SYNGR1: variants seen among roughly 807,000 people sequenced by gnomAD.
SYNGR1 encodes synaptogyrin-1.
A neutral mutation model predicts 26.1 loss-of-function variants in SYNGR1; 14 were observed. The observed-to-expected ratio is 0.54, with a 90% CI of 0.35 to 0.84. The LOEUF (loss-of-function observed/expected upper bound fraction) is 0.84. Among genes scored for constraint, SYNGR1 ranks in the 40% least tolerant of loss-of-function variants. The pLI, the probability that SYNGR1 is intolerant of heterozygous loss-of-function variation, is 0.01. For synonymous variants in SYNGR1, 141 were observed against 150.1 expected (o/e 0.94, Z 0.44); for missense variants, 319 against 332.9 (o/e 0.96, Z 0.33).
At chr22:39,357,805 G>A (rs777914675) in intron 1 of SYNGR1, among the ~76,000 whole-genome samples, 3 of 152,234 alleles carry the variant, frequency 2.0e-5, no homozygotes, top group Non-Finnish European at 2.9e-5. Context: ...CGCTGCGCTC[G>A]ATTTCTCACT....
intron 3 of SYNGR1, chr22:39,379,915 G>A (rs910586360): frequency 6.6e-6 from 1 of 152,228 alleles, no homozygotes; most frequent in African/African-American, 2.4e-5. Context: ...TAAAACAGGG[G>A]TCTGGAGAGT....
chr22:39,353,151 C>T (rs575041550), intron 1 of SYNGR1, among the ~76,000 whole-genome samples: 4 of 152,126 alleles, frequency 2.6e-5, no homozygotes, highest in Admixed American at 6.5e-5. Flanking sequence ...CGTGAGCCAC[C>T]GCACCCGGCC....
intron 2 of SYNGR1, chr22:39,374,809 A>C: frequency 1.8e-6 from 1 of 556,060 alleles, no homozygotes; most frequent in South Asian, 2.0e-5. Context: ...AGTCTAAGGG[A>C]CCCATGGATG....
At chr22:39,365,690 T>C (rs2018731704) in intron 1 of SYNGR1, among the ~76,000 whole-genome samples, 2 of 152,152 alleles carry the variant, frequency 1.3e-5, no homozygotes, top group South Asian at 4.1e-4. Flanking sequence ...TCCTCAGTGA[T>C]GTTCCTTCCC....
At chr22:39,355,947 A>G (rs1357453144) in intron 1 of SYNGR1, among the ~76,000 whole-genome samples, 1 of 152,188 alleles carries the variant, frequency 6.6e-6, no homozygotes, top group East Asian at 1.9e-4. Flanking sequence ...TAAGCCCGAG[A>G]GGTGGAGGTT....
At position 39,374,537 on chromosome 22, in the gene SYNGR1, C is replaced by T. The variant is rs771419558; in HGVS notation, c.321C>T (p.Ser107=). ...SVKDRKKAVL[S]DIGVSAFWAF... is the part of the protein sequence containing the mutation. Reference sequence around the variant, plus strand: ...AGGACCGCAAGAAAGCCGTCCTGTCCGACATCGGTGTCTCGGGTGAGCCCC... The same window carrying T: ...AGGACCGCAAGAAAGCCGTCCTGTCTGACATCGGTGTCTCGGGTGAGCCCC... Residue 107 remains serine, a synonymous_variant, in exon 2 of 4, where the codon TCC becomes TCT. Transcript: ENST00000328933. The T allele has an allele frequency of 1.4e-5, 22 of 1,613,270 alleles. No homozygotes were observed. Among genetic ancestry groups the T allele is most frequent in the Middle Eastern group, 1.6e-4 (1 of 6,082 alleles).
intron 1 of SYNGR1, among the ~76,000 whole-genome samples, chr22:39,364,626 G>A (rs1474151309): frequency 6.6e-6 from 1 of 152,140 alleles, no homozygotes; most frequent in East Asian, 1.9e-4. Context: ...CGTTCAGAGG[G>A]CAAAGAGGAG....
Position 39,383,521 on chromosome 22 carries a change from C to G in SYNGR1, c.*1607C>G, listed in dbSNP as rs1925565928. 1 of 152,386 alleles carries G rather than the reference C, an allele frequency of 6.6e-6. No homozygotes were observed. Among genetic ancestry groups the G allele is most frequent in the Non-Finnish European group, 1.5e-5 (1 of 68,116 alleles). The allele number at this position is 152,386 out of a possible 1,614,324, so 9.4% of individuals were successfully genotyped here. ...GGGAGGTATGGGAGAGCGCTGGGGG[C>G]CCATCCCCCTGTCCACCCAGTGTCC... On this transcript the variant is annotated 3_prime_UTR_variant, in exon 4 of 4. Coordinates refer to ENST00000328933, the MANE Select transcript of SYNGR1 (RefSeq NM_004711.5).
intron 3 of SYNGR1, chr22:39,378,001 C>G (rs1187702443): frequency 3.3e-6 from 4 of 1,224,374 alleles, no homozygotes; most frequent in Non-Finnish European, 4.1e-6. Flanking sequence ...ATCAATATCT[C>G]TTCCAAATGG....
At chr22:39,374,576 C>A in intron 2 of SYNGR1, 23 bp downstream of exon 2, 1 of 1,610,658 alleles carries the variant, frequency 6.2e-7, no homozygotes, top group South Asian at 1.1e-5. Flanking sequence ...CAGCAGGTAC[C>A]CCCTGCACAG....
At chr22:39,362,310 C>T (rs1056541695) in intron 1 of SYNGR1, among the ~76,000 whole-genome samples, 13 of 152,148 alleles carry the variant, frequency 8.5e-5, no homozygotes, top group African/African-American at 1.7e-4. Flanking sequence ...CCCTGCCCAG[C>T]GGAGTCCACT....
chr22:39,372,667 C>T (rs571389226), intron 1 of SYNGR1, among the ~76,000 whole-genome samples: 1 of 151,876 alleles, frequency 6.6e-6, no homozygotes, highest in Admixed American at 6.6e-5. Context: ...CAGGGTTTCT[C>T]CATGTTGGCT....
intron 1 of SYNGR1, among the ~76,000 whole-genome samples, chr22:39,362,879 G>A (rs1197298000): frequency 6.6e-6 from 1 of 152,138 alleles, no homozygotes; most frequent in Non-Finnish European, 1.5e-5. Context: ...TCCCCTCAAA[G>A]CCTTTCCTGA....
At chr22:39,368,390 A>T (rs1018951871) in intron 1 of SYNGR1, among the ~76,000 whole-genome samples, 1 of 151,854 alleles carries the variant, frequency 6.6e-6, no homozygotes, top group African/African-American at 2.4e-5. Flanking sequence ...TCCCCACACA[A>T]TCGGCTCCCA....
At position 39,374,814 on chromosome 22, in the gene SYNGR1, T is replaced by G. The variant is rs918328265; in HGVS notation, c.337+261T>G. On this transcript the variant is annotated intron_variant, in intron 2 of 3. Coordinates refer to ENST00000328933, the MANE Select transcript of SYNGR1 (RefSeq NM_004711.5). The stretch of plus-strand genomic sequence containing the variant: ...AGTTCCTTCTAGTCTAAGGGACCCA[T>G]GGATGGCACTGGGCATGTGCCAGCC... The G allele has an allele frequency of 1.2e-4, 63 of 543,826 alleles. No homozygotes were observed. The Admixed American group carries it at 1.8e-3, about 15-fold the overall frequency. The allele number at this position is 543,826 out of a possible 1,614,324, so 33.7% of individuals were successfully genotyped here. A position where few individuals can be genotyped will look rare whatever the true frequency, so the allele number is the denominator to read the frequency against.
In SYNGR1 at chr22:39,377,062, C is replaced by G. The variant is rs956145212; in HGVS notation, c.483+865C>G. On this transcript the variant is annotated intron_variant, in intron 3 of 3. Coordinates refer to ENST00000328933, the MANE Select transcript of SYNGR1 (RefSeq NM_004711.5). ...CATAGCCCCATCCCAAGAGCCCTCC[C>G]CATAACCCACAGCTGCCTCCCCTCT... 4 of 1,550,936 alleles carry G rather than the reference C, an allele frequency of 2.6e-6. No individual in the cohort carries two copies. The African/African-American group carries it at 4.1e-5, about 16-fold the overall frequency.
intron 1 of SYNGR1, among the ~76,000 whole-genome samples, chr22:39,360,003 TG>T (rs1301434022): frequency 1.3e-5 from 2 of 152,172 alleles, no homozygotes; most frequent in Non-Finnish European, 2.9e-5. Context: ...TGGTCCCTCC[TG>T]TCTCCCTCCG....
chr22:39,362,588 G>A (rs1939265296), intron 1 of SYNGR1, among the ~76,000 whole-genome samples: 1 of 152,156 alleles, frequency 6.6e-6, no homozygotes, highest in Non-Finnish European at 1.5e-5. Flanking sequence ...TGTGAAGGGG[G>A]GCCCTTGGCA....
chr22:39,358,859 G>A (rs116775687), intron 1 of SYNGR1, among the ~76,000 whole-genome samples: 367 of 152,340 alleles, frequency 2.4e-3, no homozygotes, highest in African/African-American at 8.5e-3. Context: ...TGGGACAAAC[G>A]TCCCTTCACA....
Sources: gnomAD v4.1 joint callset for allele counts (sites outside exome capture counted in the v4.1 genomes callset) on GRCh38, gnomAD v4.1.1 for gene constraint, MANE v1.5 for transcripts, NCBI Gene and HGNC (gene_info 2026-07-23, HGNC 2026-07-21) for gene names.